The following ABCD2 variants were observed in gnomAD, a reference collection of about 807,000 sequenced individuals.
ABCD2 encodes ATP binding cassette subfamily D member 2, also known as ATP-binding cassette sub-family D member 2.
In ABCD2, 36 loss-of-function variants were observed where a neutral mutation model predicts 70.9. The ratio of observed to expected loss-of-function variants is 0.51; its 90% CI spans 0.39 to 0.67. The LOEUF is 0.67. Ranked by LOEUF, ABCD2 falls within the 30% of genes least tolerant of loss-of-function variation. ABCD2 has a pLI of 0.00. For synonymous variants in ABCD2, 304 were observed against 306.9 expected (o/e 0.99, Z 0.10); for missense variants, 729 against 890.2 (o/e 0.82, Z 2.30).
At chr12:39,600,789 T>C in intron 5 of ABCD2, 73 bp from the exon 6 acceptor site, 2 of 1,365,826 alleles carry the variant, frequency 1.5e-6, no homozygotes, top group Non-Finnish European at 1.0e-6. Flanking sequence ...AAAAGTAAAT[T>C]ATTTTTTTAA....
chr12:39,558,374 A>G (rs1941201544), intron 9 of ABCD2, among the ~76,000 whole-genome samples: 1 of 152,124 alleles, frequency 6.6e-6, no homozygotes, highest in Admixed American at 6.6e-5. Context: ...GGGCTGTTGG[A>G]AGGGCATGAT....
At chr12:39,537,694 T>C in the ABCD2 span, among the ~76,000 whole-genome samples, 1 of 152,184 alleles carries the variant, frequency 6.6e-6, no homozygotes, top group South Asian at 2.1e-4. Flanking sequence ...ACATTTTTCA[T>C]TAGGAAACAA....
intron 9 of ABCD2, among the ~76,000 whole-genome samples, chr12:39,554,806 G>C (rs180908903): frequency 1.3e-5 from 2 of 152,274 alleles, no homozygotes; most frequent in East Asian, 3.9e-4. Flanking sequence ...TCACCATTCT[G>C]TCGGCTTTGT....
At chr12:39,589,112 C>T (rs1439704166) in intron 6 of ABCD2, among the ~76,000 whole-genome samples, 1 of 151,912 alleles carries the variant, frequency 6.6e-6, no homozygotes, top group African/African-American at 2.4e-5. Flanking sequence ...TTAAAAAATA[C>T]AAGGTGTATA....
In ABCD2 at chr12:39,619,048, T is replaced by G; in HGVS notation, c.568A>C (p.Asn190His). The change falls in exon 1 of 10, where the codon AAT (asparagine) becomes CAT (histidine). Residue 190 changes from asparagine to histidine, a missense_variant. Physicochemically the swap from Asn to His is moderately conservative, Grantham distance 68. This residue lies in a region of ABCD2 where 245 missense variants were observed against 261.2 expected (regional missense o/e 0.94). Coordinates refer to ENST00000308666, the MANE Select transcript of ABCD2 (RefSeq NM_005164.4). The part of the protein sequence containing the change: ...VDHAYETYFT[N>H]QTYYKVINMD... ...TTGATCACTTTATAATAAGTCTGAT[T>G]TGTAAAATAGGTTTCATAGGCGTGG... 2 of 1,614,182 alleles carry G rather than the reference T, an allele frequency of 1.2e-6. No homozygotes were observed. The highest frequency in any genetic ancestry group is 1.7e-6 in the Non-Finnish European group (2 of 1,180,030).
rs1393123777 is a variant in ABCD2 at position 39,619,567 on chromosome 12, A to G, written c.49T>C (p.Ser17Pro). The part of the protein sequence containing the change: ...AAADRVKWTR[S>P]SAAKRAACLV... ...CAGGCAGCCCTCTTAGCAGCACTCG[A>G]TCTGGTCCATTTCACTCGATCAGCT... The change falls in exon 1 of 10, where the codon TCG becomes CCG. Residue 17 changes from serine (S) to proline (P), a missense_variant. By Grantham distance (74) the Ser-to-Pro change is moderately conservative. Coordinates refer to ENST00000308666, the MANE Select transcript of ABCD2 (RefSeq NM_005164.4). 1 of 1,611,156 alleles carries G rather than the reference A, an allele frequency of 6.2e-7. No homozygotes were observed. The highest frequency in any genetic ancestry group is 8.5e-7 in the Non-Finnish European group (1 of 1,179,974).
chr12:39,594,964 C>T (rs1013277544), intron 6 of ABCD2, among the ~76,000 whole-genome samples: 11 of 151,818 alleles, frequency 7.2e-5, no homozygotes, highest in African/African-American at 1.7e-4. Context: ...AAAAATTAGC[C>T]GTGCATGGTG....
chr12:39,596,479 CT>C (rs1352975146), intron 6 of ABCD2, among the ~76,000 whole-genome samples: 3 of 148,002 alleles, frequency 2.0e-5, no homozygotes, highest in African/African-American at 4.9e-5. Context: ...CTATTTCTCC[CT>C]TTTTTTCTTT....
chr12:39,614,800 A>G (rs966032305), intron 2 of ABCD2, among the ~76,000 whole-genome samples: 1 of 152,094 alleles, frequency 6.6e-6, no homozygotes, highest in Non-Finnish European at 1.5e-5. Flanking sequence ...ACATACATAT[A>G]CCTGCAAACA....
In ABCD2 at chr12:39,559,233, G is replaced by A. The variant is rs773259375; in HGVS notation, c.2004-5102C>T. ...ACTAAAAATACAAAATTAGCCCAGCGTGGTGGTGTGTGCCTGTACTCTCAG... is the reference window on the plus strand; with the variant it reads ...ACTAAAAATACAAAATTAGCCCAGCATGGTGGTGTGTGCCTGTACTCTCAG... On this transcript the variant is annotated intron_variant, in intron 9 of 9. Coordinates refer to ENST00000308666, the MANE Select transcript of ABCD2 (RefSeq NM_005164.4). Among the ~76,000 whole-genome samples the A allele has an allele frequency of 7.9e-5, 12 of 151,782 alleles. No individual in the cohort carries two copies. In the South Asian group the frequency reaches 1.0e-3, roughly 13 times the overall value.
At position 39,586,139 on chromosome 12, in the gene ABCD2, T is replaced by G. The variant is rs774929582; in HGVS notation, c.1792+13A>C. 1.3e-6 allele frequency: 2 copies of G among 1,599,222 alleles called. No homozygotes were observed. The highest frequency in any genetic ancestry group is 3.5e-5 in the Admixed American group (2 of 57,800). ...TGAAGTTAAATGCATTAGAAAAGAA[T>G]GATAGACTTTACCTCCTTCTCTTTG... is the stretch of plus-strand genomic sequence containing the variant. On this transcript the variant is annotated intron_variant, in intron 7 of 9. Coordinates refer to ENST00000308666, the MANE Select transcript of ABCD2 (RefSeq NM_005164.4).
chr12:39,606,985 T>C (rs2120743840), intron 3 of ABCD2, among the ~76,000 whole-genome samples: 1 of 152,190 alleles, frequency 6.6e-6, no homozygotes, highest in Admixed American at 6.5e-5. Flanking sequence ...ACAGCTATAA[T>C]GTGGTAAAAC....
In ABCD2 at chr12:39,552,488, A is replaced by G. The variant is rs1392825732; in HGVS notation, c.*1424T>C. On this transcript the variant is annotated 3_prime_UTR_variant, in exon 10 of 10. Coordinates refer to ENST00000308666, the MANE Select transcript of ABCD2 (RefSeq NM_005164.4). ...TCCAGCTCCAGTGCACACAAATAGA[A>G]TAAAATCTATTTCATATGACTAGTC... 6.6e-6 allele frequency: 1 copy of G among 151,930 alleles called. No individual in the cohort carries two copies. The highest frequency in any genetic ancestry group is 1.9e-4 in the East Asian group (1 of 5,196). 9.4% of individuals were successfully genotyped at this position (151,930 alleles called of 1,614,324 possible).
chr12:39,545,427 A>C (rs1941016819), downstream of ABCD2, among the ~76,000 whole-genome samples: 1 of 152,128 alleles, frequency 6.6e-6, no homozygotes, highest in Admixed American at 6.5e-5. Flanking sequence ...GCAATGAAGT[A>C]AGTGCCATTA....
intron 6 of ABCD2, among the ~76,000 whole-genome samples, chr12:39,590,883 T>C (rs981586885): frequency 2.0e-5 from 3 of 152,080 alleles, no homozygotes; most frequent in Non-Finnish European, 2.9e-5. Flanking sequence ...TTGGAGCTTC[T>C]GAATGACACA....
At chr12:39,615,112 A>G (rs886733577) in intron 2 of ABCD2, among the ~76,000 whole-genome samples, 32 of 151,680 alleles carry the variant, frequency 2.1e-4, no homozygotes, top group Non-Finnish European at 4.6e-4. Context: ...GATTCTTTGT[A>G]TACATTGTTT....
intron 4 of ABCD2, 99 bp downstream of exon 4, chr12:39,604,663 G>A: frequency 1.1e-6 from 1 of 915,912 alleles, no homozygotes; most frequent in South Asian, 2.2e-5. Context: ...TTATTTAAAT[G>A]TTGGTACTTT....
chr12:39,618,616 G>A (rs1392204925), intron 1 of ABCD2, 61 bp downstream of exon 1: 1 of 1,462,138 alleles, frequency 6.8e-7, no homozygotes, highest in Non-Finnish European at 9.3e-7. Flanking sequence ...ATGGTATCTG[G>A]CACTGCAGTG....
intron 8 of ABCD2, among the ~76,000 whole-genome samples, chr12:39,576,418 C>T (rs1049538099): frequency 6.6e-6 from 1 of 152,092 alleles, no homozygotes; most frequent in African/African-American, 2.4e-5. Context: ...CTCGCCCTCC[C>T]GAAGTGCTGG....
Sources: allele counts gnomAD v4.1 joint callset (sites outside exome capture counted in the v4.1 genomes callset), GRCh38; gene constraint gnomAD v4.1.1; regional missense constraint gnomAD v4.1.1; transcripts MANE v1.5; gene names NCBI Gene and HGNC (gene_info 2026-07-23, HGNC 2026-07-21).